ZSWIM6: variants seen among roughly 807,000 people sequenced by gnomAD.
ZSWIM6 encodes the protein zinc finger SWIM-type containing 6, also known as zinc finger SWIM domain-containing protein 6.
In ZSWIM6, 9 loss-of-function variants were observed where a neutral mutation model predicts 113.2. The ratio of observed to expected loss-of-function variants is 0.08; its 90% CI spans 0.05 to 0.14. ZSWIM6 has a LOEUF of 0.14. Ranked by LOEUF, ZSWIM6 falls within the 10% of genes least tolerant of loss-of-function variation. The pLI, the probability that ZSWIM6 is intolerant of heterozygous loss-of-function variation, is 1.00. For missense variants in ZSWIM6, 1,162 were observed against 1,552.2 expected (o/e 0.75, Z 4.22); for synonymous variants, 611 against 606.5 (o/e 1.01, Z -0.11).
chr5:61,383,964 G>A (rs575280284), intron 1 of ZSWIM6, among the ~76,000 whole-genome samples: 53 of 151,400 alleles, frequency 3.5e-4, no homozygotes, highest in Admixed American at 8.6e-4. Flanking sequence ...GAGAGTGGCC[G>A]GGCGCGGTGG....
chr5:61,358,922 T>G (rs1258683787), intron 1 of ZSWIM6, among the ~76,000 whole-genome samples: 2 of 152,220 alleles, frequency 1.3e-5, no homozygotes, highest in African/African-American at 2.4e-5. Context: ...TGGACACTAC[T>G]GGCTTTGGCT....
chr5:61,426,712 T>C (rs1488733389), intron 1 of ZSWIM6, among the ~76,000 whole-genome samples: 2 of 152,194 alleles, frequency 1.3e-5, no homozygotes, highest in South Asian at 4.1e-4. Context: ...TTGCAGACTT[T>C]CTTTATCTTT....
Position 61,543,995 on chromosome 5 carries a change from G to T in ZSWIM6, c.3326G>T (p.Arg1109Leu), listed in dbSNP as rs372466113. Residue 1109 changes from arginine (R) to leucine (L), a missense_variant, in exon 14 of 14, where the codon CGC becomes CTC. By Grantham distance (102) the Arg-to-Leu change is moderately radical (BLOSUM62 -2). Coordinates refer to ENST00000252744, the MANE Select transcript of ZSWIM6 (RefSeq NM_020928.2). The surrounding 1 kb of genome is among the most constrained non-coding windows in gnomAD (Gnocchi z 4.3). The part of the protein sequence containing the change: ...KCATVLSDIL[R>L]RCTLTTPGMV... The stretch of plus-strand genomic sequence containing the variant: ...GCAACGGTACTGTCAGACATTTTGC[G>T]CAGATGCACTCTGACCACTCCTGGC... The T allele has an allele frequency of 6.4e-7, 1 of 1,551,790 alleles. No homozygotes were observed. Among genetic ancestry groups the T allele is most frequent in the Non-Finnish European group, 8.7e-7 (1 of 1,147,040 alleles).
intron 1 of ZSWIM6, among the ~76,000 whole-genome samples, chr5:61,335,718 T>C (rs1386732799): frequency 6.6e-6 from 1 of 152,236 alleles, no homozygotes; most frequent in South Asian, 2.1e-4. Context: ...ATAGCTACAA[T>C]AGGGAAAATC....
chr5:61,410,627 C>T (rs1746134293), intron 1 of ZSWIM6, among the ~76,000 whole-genome samples: 1 of 152,130 alleles, frequency 6.6e-6, no homozygotes, highest in African/African-American at 2.4e-5. Context: ...CTTTTTAAAC[C>T]ATCTGACTAG....
intron 4 of ZSWIM6, among the ~76,000 whole-genome samples, chr5:61,505,219 C>G (rs1048624060): frequency 2.6e-5 from 4 of 152,226 alleles, no homozygotes; most frequent in Non-Finnish European, 4.4e-5. Context: ...GGAAAATGTT[C>G]TTGCAGCTTA....
intron 1 of ZSWIM6, among the ~76,000 whole-genome samples, chr5:61,456,067 A>G (rs1173120465): frequency 6.6e-6 from 1 of 152,124 alleles, no homozygotes; most frequent in Admixed American, 6.5e-5. Flanking sequence ...TGATTATGCC[A>G]GCATAGTCTT....
intron 1 of ZSWIM6, among the ~76,000 whole-genome samples, chr5:61,341,864 C>G (rs1317325624): frequency 2.0e-5 from 3 of 147,468 alleles, no homozygotes; most frequent in African/African-American, 7.5e-5. Flanking sequence ...CTGTAGTACT[C>G]TCTGTAACCT....
intron 4 of ZSWIM6, among the ~76,000 whole-genome samples, chr5:61,506,473 C>T (rs1205619051): frequency 6.6e-6 from 1 of 151,822 alleles, no homozygotes; most frequent in Non-Finnish European, 1.5e-5. Context: ...ATCCCGGCTA[C>T]TTGGGAGGCT....
At chr5:61,396,501 A>C (rs1745840413) in intron 1 of ZSWIM6, among the ~76,000 whole-genome samples, 1 of 149,680 alleles carries the variant, frequency 6.7e-6, no homozygotes, top group Non-Finnish European at 1.5e-5. Context: ...ACTGCACTCC[A>C]GCCTGGTGAC....
At chr5:61,490,701 AG>A in intron 2 of ZSWIM6, 84 bp from the exon 3 acceptor site, 1 of 1,345,412 alleles carries the variant, frequency 7.4e-7, no homozygotes, top group Non-Finnish European at 9.9e-7. Flanking sequence ...TGAATTAAAA[AG>A]TAGGCAAAAA....
intron 4 of ZSWIM6, among the ~76,000 whole-genome samples, chr5:61,515,426 CCTT>C (rs1748906918): frequency 6.6e-6 from 1 of 152,146 alleles, no homozygotes; most frequent in Admixed American, 6.5e-5. Flanking sequence ...TGAGCCACTG[CCTT>C]CTTGCTGCAT....
chr5:61,477,089 G>T (rs923784966), intron 2 of ZSWIM6, among the ~76,000 whole-genome samples: 2 of 152,178 alleles, frequency 1.3e-5, no homozygotes, highest in Non-Finnish European at 2.9e-5. Flanking sequence ...AGGTCAGATT[G>T]CTTTCCCTGA....
In ZSWIM6 at chr5:61,332,698, T is replaced by TGGC. The variant is rs1429688532; in HGVS notation, c.437_439dup (p.Gly146dup). On this transcript the variant is annotated inframe_insertion, in exon 1 of 14. Transcript: ENST00000252744. ...CGGGCGGCCCCGGCGACGACAGCGG[T>TGGC]GGCGGCGGCGGCGCGGGCGGCGGCG... 12 of 967,230 alleles carry TGGC rather than the reference T, an allele frequency of 1.2e-5. No individual in the cohort carries two copies. The South Asian group carries it at 2.2e-4, about 17-fold the overall frequency. 59.9% of individuals were successfully genotyped at this position (967,230 alleles called of 1,614,324 possible).
rs1161662183 is a variant in ZSWIM6 at position 61,332,678 on chromosome 5, G to T, written c.406G>T (p.Gly136Cys). 9.1e-7 allele frequency: 1 copy of T among 1,093,706 alleles called. No individual in the cohort carries two copies. The highest frequency in any genetic ancestry group is 3.5e-5 in the Admixed American group (1 of 28,476). The allele number at this position is 1,093,706 out of a possible 1,614,324, so 67.8% of individuals were successfully genotyped here. A position where few individuals can be genotyped will look rare whatever the true frequency, so the allele number is the denominator to read the frequency against. ...CAACACCGGCGGCGGCGCCGCGGGC[G>T]GCCCCGGCGACGACAGCGGTGGCGG... The part of the protein sequence containing the change: ...SFNTGGGAAG[G>C]PGDDSGGGGG... Residue 136 changes from glycine to cysteine, a missense_variant, in exon 1 of 14, where the codon GGC becomes TGC. Around this residue, in one of 4 missense-constraint regions of ZSWIM6, gnomAD observed 333 missense variants for 293.4 expected, o/e 1.13. Transcript: ENST00000252744.
chr5:61,422,943 T>A (rs1746383522), intron 1 of ZSWIM6, among the ~76,000 whole-genome samples: 1 of 152,224 alleles, frequency 6.6e-6, no homozygotes, highest in Non-Finnish European at 1.5e-5. Context: ...TCAGAACAAA[T>A]AGTTTTTTAA....
intron 1 of ZSWIM6, among the ~76,000 whole-genome samples, chr5:61,419,337 G>T (rs1462296350): frequency 6.6e-6 from 1 of 152,210 alleles, no homozygotes; most frequent in Admixed American, 6.5e-5. Context: ...TTATATTACT[G>T]TTGATGGTAT....
chr5:61,534,028 C>T (rs998061275), intron 9 of ZSWIM6, among the ~76,000 whole-genome samples: 1 of 152,170 alleles, frequency 6.6e-6, no homozygotes, highest in Non-Finnish European at 1.5e-5. Context: ...CCCTTATGAC[C>T]TCATTTTACT....
Position 61,539,338 on chromosome 5 carries a change from T to C in ZSWIM6, c.2540-258T>C, listed in dbSNP as rs559197707. Among the ~76,000 whole-genome samples the C allele has an allele frequency of 2.0e-5, 3 of 152,364 alleles. No individual in the cohort carries two copies. The East Asian group carries it at 5.8e-4, about 29-fold the overall frequency. The stretch of plus-strand genomic sequence containing the variant: ...ATGTTGGTCCTGGTTCATATGTGCT[T>C]TGAGTCATTGAGGGTGTGTCTCAGT... On this transcript the variant is annotated intron_variant, in intron 11 of 13. Transcript: ENST00000252744.
Sources: allele counts gnomAD v4.1 joint callset (sites outside exome capture counted in the v4.1 genomes callset), GRCh38; gene constraint gnomAD v4.1.1; regional missense constraint gnomAD v4.1.1; non-coding constraint Gnocchi (gnomAD v3.1); transcripts MANE v1.5; gene names NCBI Gene and HGNC (gene_info 2026-07-23, HGNC 2026-07-21).